EPM2A: variants seen among roughly 807,000 people sequenced by gnomAD.
The protein encoded by EPM2A is EPM2A glucan phosphatase, laforin, also known as laforin.
A neutral mutation model predicts 26.5 loss-of-function variants in EPM2A; 21 were observed. That is an observed-to-expected ratio of 0.79 (90% CI 0.56 to 1.14). The LOEUF (loss-of-function observed/expected upper bound fraction) is 1.14. Ranked by LOEUF, EPM2A falls within the 50% of genes most tolerant of loss-of-function variation. The probability of loss-of-function intolerance (pLI) is 0.00; values close to 1 mark genes in which losing one functional copy is unlikely to be tolerated. For missense variants in EPM2A, 458 were observed against 440.8 expected (o/e 1.04, Z -0.35); for synonymous variants, 217 against 177.6 (o/e 1.22, Z -1.76).
chr6:145,735,697 G>A, upstream of EPM2A: 1 of 1,039,898 alleles, frequency 9.6e-7, no homozygotes, highest in Non-Finnish European at 1.2e-6. Flanking sequence ...GGCGGGAAGG[G>A]GTCAGCGGAG....
intron 4 of EPM2A, chr6:145,490,627 C>A: frequency 4.6e-6 from 3 of 652,130 alleles, no homozygotes; most frequent in South Asian, 4.2e-5. Flanking sequence ...CCAAAGATAC[C>A]TTTCATTGCA....
intron 4 of EPM2A, among the ~76,000 whole-genome samples, chr6:145,493,361 T>G (rs1218018754): frequency 1.3e-5 from 2 of 152,240 alleles, no homozygotes; most frequent in African/African-American, 4.8e-5. Context: ...TTGCTGTAGT[T>G]GCTTATCAAC....
At position 145,635,373 on chromosome 6, in the gene EPM2A, T is replaced by C. The variant is rs1301299356; in HGVS notation, c.590A>G (p.Asp197Gly). ...ACAGCCTGAGGAATTCTGTACAATA[T>C]CCCATTCAGTCTGGAAATTCATTAC... is the stretch of plus-strand genomic sequence containing the variant. ...TAVMNFQTEWDIVQNSSGCNR... is the reference protein window; with the variant it reads ...TAVMNFQTEWGIVQNSSGCNR... The change falls in exon 3 of 4, where the codon GAT (aspartate) becomes GGT (glycine). Residue 197 changes from aspartate to glycine, a missense_variant. By Grantham distance (94) the Asp-to-Gly change is moderately conservative. Transcript: ENST00000367519. The C allele has an allele frequency of 1.2e-6, 2 of 1,614,018 alleles. No homozygotes were observed. Among genetic ancestry groups the C allele is most frequent in the Admixed American group, 3.3e-5 (2 of 59,992 alleles).
intron 2 of EPM2A, among the ~76,000 whole-genome samples, chr6:145,543,291 A>T (rs1018004265): frequency 1.3e-5 from 2 of 152,190 alleles, no homozygotes; most frequent in Non-Finnish European, 2.9e-5. Context: ...CAGTTCAAAG[A>T]ATGATTAGTG....
At chr6:145,609,336 T>C (rs1386053797) in intron 2 of EPM2A, among the ~76,000 whole-genome samples, 1 of 152,206 alleles carries the variant, frequency 6.6e-6, no homozygotes, top group East Asian at 1.9e-4. Context: ...TTAACAAAAT[T>C]TAAATTTGTT....
At chr6:145,667,348 G>A (rs1210078431) in intron 2 of EPM2A, among the ~76,000 whole-genome samples, 2 of 145,494 alleles carry the variant, frequency 1.4e-5, no homozygotes, top group East Asian at 3.9e-4. Flanking sequence ...TCAAAAAGTG[G>A]GTGAAGGACA....
chr6:145,717,617 C>T (rs909974827), intron 1 of EPM2A, among the ~76,000 whole-genome samples: 3 of 151,990 alleles, frequency 2.0e-5, no homozygotes, highest in East Asian at 1.9e-4. Flanking sequence ...GTTCTGGCCA[C>T]GGCAATTAGG....
intron 1 of EPM2A, among the ~76,000 whole-genome samples, chr6:145,729,374 TA>T (rs1487846528): frequency 2.0e-5 from 3 of 152,124 alleles, no homozygotes; most frequent in Non-Finnish European, 1.5e-5. Flanking sequence ...AGACACTCAA[TA>T]CCAGCTCATG....
At chr6:145,572,527 C>T (rs994765865) in intron 2 of EPM2A, among the ~76,000 whole-genome samples, 12 of 152,262 alleles carry the variant, frequency 7.9e-5, no homozygotes, top group Middle Eastern at 3.4e-3. Flanking sequence ...CTGGTCAGGT[C>T]GCATGGTGAC....
chr6:145,628,148 C>T (rs556392700), intron 3 of EPM2A: 2 of 207,336 alleles, frequency 9.6e-6, no homozygotes, highest in East Asian at 1.2e-4. Flanking sequence ...CAGAAGCGGC[C>T]CATAATAGTT....
intron 2 of EPM2A, among the ~76,000 whole-genome samples, chr6:145,522,072 T>C (rs399089): frequency 0.45 from 68,403 of 151,802 alleles, 15,433 homozygotes; most frequent in South Asian, 0.58. Flanking sequence ...CCTGCCTCAG[T>C]CTCCCAAGTA....
chr6:145,585,213 T>C (rs1781176253), intron 2 of EPM2A, among the ~76,000 whole-genome samples: 1 of 152,174 alleles, frequency 6.6e-6, no homozygotes, highest in Admixed American at 6.5e-5. Flanking sequence ...TGTATCTTGG[T>C]ATTGTTTTGT....
At chr6:145,708,137 C>T (rs913642280) in intron 1 of EPM2A, among the ~76,000 whole-genome samples, 1 of 152,138 alleles carries the variant, frequency 6.6e-6, no homozygotes, top group East Asian at 1.9e-4. Flanking sequence ...TTTAGGGTAT[C>T]TGGTGGAAGA....
At chr6:145,439,339 G>T (rs576335351) in intron 4 of EPM2A, among the ~76,000 whole-genome samples, 2 of 152,164 alleles carry the variant, frequency 1.3e-5, no homozygotes, top group African/African-American at 4.8e-5. Flanking sequence ...TAGTGAGATT[G>T]CTGGGTTGAA....
At chr6:145,653,510 T>C (rs563157946) in intron 2 of EPM2A, among the ~76,000 whole-genome samples, 22 of 152,346 alleles carry the variant, frequency 1.4e-4, no homozygotes, top group African/African-American at 4.8e-4. Flanking sequence ...AATGGACTAA[T>C]ACAGCACTCA....
intron 2 of EPM2A, among the ~76,000 whole-genome samples, chr6:145,507,395 A>ATTCAGC (rs1256580252): frequency 2.0e-5 from 3 of 152,204 alleles, no homozygotes; most frequent in Non-Finnish European, 4.4e-5. Flanking sequence ...TTGCGACAGC[A>ATTCAGC]TTCAGCTGAA....
At chr6:145,607,488 GA>G (rs1775287959) in intron 2 of EPM2A, among the ~76,000 whole-genome samples, 1 of 152,122 alleles carries the variant, frequency 6.6e-6, no homozygotes, top group Admixed American at 6.5e-5. Flanking sequence ...AGCATTTTAG[GA>G]AGAATTTTTG....
chr6:145,685,234 TTAG>T (rs1174836516), intron 2 of EPM2A, among the ~76,000 whole-genome samples: 1 of 151,824 alleles, frequency 6.6e-6, no homozygotes, highest in Admixed American at 6.6e-5. Context: ...AAAGCAGGAG[TTAG>T]TAGGTGGAAA....
intron 2 of EPM2A, among the ~76,000 whole-genome samples, chr6:145,650,043 T>C (rs1171082342): frequency 2.6e-5 from 4 of 152,048 alleles, no homozygotes; most frequent in African/African-American, 7.2e-5. Flanking sequence ...CAAGTATCTA[T>C]GGGGGTGGAG....
Sources: allele counts gnomAD v4.1 joint callset (sites outside exome capture counted in the v4.1 genomes callset), GRCh38; gene constraint gnomAD v4.1.1; transcripts MANE v1.5; gene names NCBI Gene and HGNC (gene_info 2026-07-23, HGNC 2026-07-21).